AMN: variants seen among roughly 807,000 people sequenced by gnomAD.
The protein encoded by AMN is protein amnionless.
AMN carries 40 observed loss-of-function variants against 49.1 expected under a neutral mutation model. The observed-to-expected ratio is 0.81, with a 90% confidence interval of 0.63 to 1.06. The LOEUF (loss-of-function observed/expected upper bound fraction) is 1.06, where lower values mean the gene tolerates loss of function less well. Ranked by LOEUF, AMN falls within the 50% of genes least tolerant of loss-of-function variation. The pLI, the probability that AMN is intolerant of heterozygous loss-of-function variation, is 0.00. For missense variants in AMN, 701 were observed against 662.8 expected (o/e 1.06, Z -0.63); for synonymous variants, 380 against 313.3 (o/e 1.21, Z -2.25).
rs774101952 is a variant in AMN at position 102,923,698 on chromosome 14, GCCT to G, written c.44-7_44-5del. 7.7e-5 allele frequency: 124 copies of G among 1,607,378 alleles called. No individual in the cohort carries two copies. The highest frequency in any genetic ancestry group is 1.0e-4 in the Non-Finnish European group (123 of 1,175,098). ...CGGAGAGCATCCCGGGCACTCAGTC[GCCT>G]CCTCCCCAGCACTGACCCAGGCGGT... is the stretch of plus-strand genomic sequence containing the variant. On this transcript the variant is annotated splice_polypyrimidine_tract_variant and intron_variant, in intron 1 of 11. Coordinates refer to ENST00000299155, the MANE Select transcript of AMN (RefSeq NM_030943.4).
chr14:102,923,559 G>A (rs1891113127), intron 1 of AMN, 152 bp from the exon 2 acceptor site: 1 of 750,526 alleles, frequency 1.3e-6, no homozygotes, highest in Non-Finnish European at 2.3e-6. Context: ...GGCCGGGAGG[G>A]ACCAGGGTCT....
chr14:102,930,463 G>T lies in AMN; in HGVS notation c.1227G>T (p.Pro409=). 1.3e-6 allele frequency: 2 copies of T among 1,530,358 alleles called. No individual in the cohort carries two copies. Among genetic ancestry groups the T allele is most frequent in the Non-Finnish European group, 8.8e-7 (1 of 1,141,878 alleles). The allele number at this position is 1,530,358 out of a possible 1,614,324, so 94.8% of individuals were successfully genotyped here. The change falls in exon 11 of 12, where the codon CCG becomes CCT. Residue 409 remains proline, a synonymous_variant. Transcript: ENST00000299155. Reference sequence around the variant, plus strand: ...GAGCGCCCCTCGGCTTCCGCAACCCGGTGTTCGACGTGACGGCCTCCGAGG... The same window carrying T: ...GAGCGCCCCTCGGCTTCCGCAACCCTGTGTTCGACGTGACGGCCTCCGAGG... The part of the protein sequence containing the change: ...PAGAPLGFRN[P]VFDVTASEEL...
chr14:102,929,888 G>A, intron 8 of AMN, 36 bp from the exon 9 acceptor site: 2 of 1,549,934 alleles, frequency 1.3e-6, no homozygotes, highest in Non-Finnish European at 1.7e-6. Flanking sequence ...GGGAGGGCGG[G>A]GGGCTGAGTC....
At chr14:102,922,812 G>GT (rs1478237357) in intron 1 of AMN, 81 bp downstream of exon 1, 2 of 1,513,598 alleles carry the variant, frequency 1.3e-6, no homozygotes, top group Admixed American at 2.0e-5. Context: ...TAGGCCTGGA[G>GT]GGTGAAGATC....
At chr14:102,926,990 G>A (rs1395162216) in intron 3 of AMN, among the ~76,000 whole-genome samples, 1 of 152,074 alleles carries the variant, frequency 6.6e-6, no homozygotes, top group Non-Finnish European at 1.5e-5. Context: ...CTCCCTGGGC[G>A]CAAACAATCC....
In AMN at chr14:102,930,816, C is replaced by A; in HGVS notation, c.*136C>A. On this transcript the variant is annotated 3_prime_UTR_variant, in exon 12 of 12. Coordinates refer to ENST00000299155, the MANE Select transcript of AMN (RefSeq NM_030943.4). ...CCTCCGGGGGCCAAGGACAGGGTGG[C>A]CTTACTCAGTAAAGGTGTTTCCTGC... 9.8e-7 allele frequency: 1 copy of A among 1,022,662 alleles called. No homozygotes were observed. The highest frequency in any genetic ancestry group is 1.5e-6 in the Non-Finnish European group (1 of 683,816). 63.3% of individuals were successfully genotyped at this position (1,022,662 alleles called of 1,614,324 possible). A position where few individuals can be genotyped will look rare whatever the true frequency, so the allele number is the denominator to read the frequency against.
In AMN at chr14:102,930,617, A is replaced by G; in HGVS notation, c.1299A>G (p.Ala433=). 3.1e-6 allele frequency: 5 copies of G among 1,594,490 alleles called. No individual in the cohort carries two copies. The highest frequency in any genetic ancestry group is 1.7e-4 in the Middle Eastern group (1 of 5,866). The change falls in exon 12 of 12, where the codon GCA becomes GCG. Residue 433 remains alanine, a synonymous_variant. Transcript: ENST00000299155. Reference sequence around the variant, plus strand: ...TCAGCCTGGTTCCGAAGGCGGCCGCAGACAGCACCAGCCACAGTTACTTCG... The same window carrying G: ...TCAGCCTGGTTCCGAAGGCGGCCGCGGACAGCACCAGCCACAGTTACTTCG... ...RRLSLVPKAA[A]DSTSHSYFVN... is the part of the protein sequence containing the mutation.
At chr14:102,926,518 G>A (rs2139305352) in intron 3 of AMN, among the ~76,000 whole-genome samples, 1 of 151,878 alleles carries the variant, frequency 6.6e-6, no homozygotes, top group African/African-American at 2.4e-5. Flanking sequence ...TCTCATTGTT[G>A]CAGATAAATT....
At chr14:102,924,684 A>G (rs1891147815) in intron 3 of AMN, among the ~76,000 whole-genome samples, 1 of 152,232 alleles carries the variant, frequency 6.6e-6, no homozygotes, top group African/African-American at 2.4e-5. Flanking sequence ...ACACTCCAAG[A>G]ACATGATGGG....
chr14:102,929,917 T>G lies in AMN; in HGVS notation c.844-7T>G. 6.4e-7 allele frequency: 1 copy of G among 1,554,158 alleles called. No homozygotes were observed. The highest frequency in any genetic ancestry group is 8.7e-7 in the Non-Finnish European group (1 of 1,149,646). On this transcript the variant is annotated splice_polypyrimidine_tract_variant and splice_region_variant and intron_variant, in intron 8 of 11. Coordinates refer to ENST00000299155, the MANE Select transcript of AMN (RefSeq NM_030943.4). Reference sequence around the variant, plus strand: ...CTGAGTCAAACCAACCCCGTCCCCCTCCCCAGCCTCAGTACCACGGGCTGC... The same window carrying G: ...CTGAGTCAAACCAACCCCGTCCCCCGCCCCAGCCTCAGTACCACGGGCTGC...
chr14:102,924,082 G>T (rs1891133736), intron 3 of AMN, 103 bp downstream of exon 3: 1 of 1,520,416 alleles, frequency 6.6e-7, no homozygotes, highest in Non-Finnish European at 9.1e-7. Flanking sequence ...CGGCATGGAG[G>T]CACTGCAGGA....
At chr14:102,928,327 C>G in intron 3 of AMN, 99 bp from the exon 4 acceptor site, 3 of 1,136,136 alleles carry the variant, frequency 2.6e-6, no homozygotes, top group Non-Finnish European at 3.8e-6. Context: ...CTTCCGTGCA[C>G]AGGGTCTCGG....
chr14:102,927,604 G>A (rs1468425357), intron 3 of AMN, among the ~76,000 whole-genome samples: 1 of 152,204 alleles, frequency 6.6e-6, no homozygotes, highest in Non-Finnish European at 1.5e-5. Flanking sequence ...TCCTGGAAGG[G>A]CCGAAGAGTG....
chr14:102,924,073 G>A lies in AMN; in HGVS notation c.207+94G>A, dbSNP rs1440236248. 73 of 1,551,280 alleles carry A rather than the reference G, an allele frequency of 4.7e-5. 4 individuals carry two copies. In the South Asian group the frequency reaches 7.4e-4, roughly 16 times the overall value. ...CTGTGCCTTGAGGGCGGACCCCACC[G>A]GCATGGAGGCACTGCAGGACTGGGA... On this transcript the variant is annotated intron_variant, in intron 3 of 11. Transcript: ENST00000299155.
Position 102,928,727 on chromosome 14 carries a change from C to T in AMN, c.296-31C>T, listed in dbSNP as rs769652420. 3.8e-6 allele frequency: 6 copies of T among 1,596,722 alleles called. No homozygotes were observed. The South Asian group carries it at 4.5e-5, about 12-fold the overall frequency. Reference sequence around the variant, plus strand: ...GGCGTGGTGTGGCGCGGCGCTTGTTCCGTGGAGCTCAGGGATGTGCTCCGG... The same window carrying T: ...GGCGTGGTGTGGCGCGGCGCTTGTTTCGTGGAGCTCAGGGATGTGCTCCGG... On this transcript the variant is annotated intron_variant, in intron 4 of 11. Coordinates refer to ENST00000299155, the MANE Select transcript of AMN (RefSeq NM_030943.4).
At chr14:102,924,062 C>T (rs182043665) in intron 3 of AMN, 83 bp downstream of exon 3, 27 of 1,583,184 alleles carry the variant, frequency 1.7e-5, no homozygotes, top group East Asian at 2.2e-5. Flanking sequence ...GCCTTGAGGG[C>T]GGACCCCACC....
In AMN at chr14:102,926,018, A is replaced by G. The variant is rs1231772691; in HGVS notation, c.207+2039A>G. ...TTTCCTTGCCCTTCCTCCCATTTCTACCTTTTGCCTGCTTTCTTGTTGGGG... is the reference window on the plus strand; with the variant it reads ...TTTCCTTGCCCTTCCTCCCATTTCTGCCTTTTGCCTGCTTTCTTGTTGGGG... On this transcript the variant is annotated intron_variant, in intron 3 of 11. Coordinates refer to ENST00000299155, the MANE Select transcript of AMN (RefSeq NM_030943.4). Among the ~76,000 whole-genome samples, 5 of 151,074 alleles carry G rather than the reference A, an allele frequency of 3.3e-5. No individual in the cohort carries two copies. The East Asian group carries it at 7.8e-4, about 24-fold the overall frequency.
At chr14:102,927,917 C>G (rs538401760) in intron 3 of AMN, among the ~76,000 whole-genome samples, 11 of 152,360 alleles carry the variant, frequency 7.2e-5, no homozygotes, top group African/African-American at 2.6e-4. Flanking sequence ...CGCTACACTC[C>G]CTGCCTCCTC....
In AMN at chr14:102,929,683, C is replaced by G; in HGVS notation, c.789C>G (p.Pro263=). 6.4e-7 allele frequency: 1 copy of G among 1,550,540 alleles called. No individual in the cohort carries two copies. The highest frequency in any genetic ancestry group is 8.7e-7 in the Non-Finnish European group (1 of 1,147,454). Residue 263 remains proline, a synonymous_variant, in exon 8 of 12, where the codon CCC becomes CCG. Coordinates refer to ENST00000299155, the MANE Select transcript of AMN (RefSeq NM_030943.4). ...CGAVVLLTHG[P]AFDLERYRAR... is the part of the protein sequence containing the mutation. The stretch of plus-strand genomic sequence containing the variant: ...CCGTTGTGTTGCTGACCCACGGCCC[C>G]GCATTTGACCTGGAGCGGTACCGGG...
Sources: gnomAD v4.1 joint callset for allele counts (sites outside exome capture counted in the v4.1 genomes callset) on GRCh38, gnomAD v4.1.1 for gene constraint, MANE v1.5 for transcripts, NCBI Gene and HGNC (gene_info 2026-07-23, HGNC 2026-07-21) for gene names.